RELCH: variants seen among roughly 807,000 people sequenced by gnomAD.
The protein encoded by RELCH is RAB11-binding protein RELCH.
RELCH carries 41 observed loss-of-function variants against 150.3 expected under a neutral mutation model. The ratio of observed to expected loss-of-function variants is 0.27; its 90% CI spans 0.21 to 0.35. RELCH has a LOEUF of 0.35. RELCH is among the 10% of genes least tolerant of loss of function. The pLI is 1.00. For synonymous variants in RELCH, 478 were observed against 531.8 expected, an observed-to-expected ratio of 0.90 and a Z score of 1.39; for missense variants, 1,092 against 1,467.8, an observed-to-expected ratio of 0.74 and a Z score of 4.18.
Position 62,275,354 on chromosome 18 carries a change from T to C in RELCH, c.2868-20T>C, listed in dbSNP as rs199786253. 6.6e-6 allele frequency: 4 copies of C among 605,780 alleles called. No homozygotes were observed. Among genetic ancestry groups the C allele is most frequent in the Admixed American group, 4.4e-5 (1 of 22,968 alleles). The allele number at this position is 605,780 out of a possible 1,614,324, so 37.5% of individuals were successfully genotyped here. A position where few individuals can be genotyped will look rare whatever the true frequency, so the allele number is the denominator to read the frequency against. On this transcript the variant is annotated intron_variant, in intron 21 of 28. Coordinates refer to ENST00000644646, the MANE Select transcript of RELCH (RefSeq NM_001346231.2). ...ACTGTGGCTCTCAATTTTAACACTGTTTTTTTTTTTTTCTTCTAGTGCAAA... is the reference window on the plus strand; with the variant it reads ...ACTGTGGCTCTCAATTTTAACACTGCTTTTTTTTTTTTCTTCTAGTGCAAA...
At position 62,241,841 on chromosome 18, in the gene RELCH, G is replaced by A. The variant is rs546476437; in HGVS notation, c.1621-2923G>A. Among the ~76,000 whole-genome samples, 70 of 152,262 alleles carry A rather than the reference G, an allele frequency of 4.6e-4. 1 individual carries two copies. The South Asian group carries it at 0.011, about 24-fold the overall frequency. The stretch of plus-strand genomic sequence containing the variant: ...TTATTAGTGTTTCAGAGGCTTGAAA[G>A]ATGAATTCACAATAAATGTGAATAA... On this transcript the variant is annotated intron_variant, in intron 10 of 28. Coordinates refer to ENST00000644646, the MANE Select transcript of RELCH (RefSeq NM_001346231.2).
intron 1 of RELCH, among the ~76,000 whole-genome samples, chr18:62,195,089 T>C (rs2038929497): frequency 6.6e-6 from 1 of 152,218 alleles, no homozygotes; most frequent in Non-Finnish European, 1.5e-5. Flanking sequence ...ACAGGATATA[T>C]AGCTTTATAA....
rs183924584 is a variant in RELCH, at chr18:62,200,887, G to C, written c.527-10266G>C. Among the ~76,000 whole-genome samples the C allele has an allele frequency of 7.3e-5, 11 of 149,684 alleles. No individual in the cohort carries two copies. In the East Asian group the frequency reaches 1.6e-3, roughly 21 times the overall value. ...TTATTTTTTTAACTTTCATATTTTA[G>C]AGTAGCCTTATAGGTTCTCTTTCTT... On this transcript the variant is annotated intron_variant, in intron 1 of 28. Coordinates refer to ENST00000644646, the MANE Select transcript of RELCH (RefSeq NM_001346231.2).
intron 5 of RELCH, among the ~76,000 whole-genome samples, chr18:62,224,166 T>C (rs2041063585): frequency 6.6e-6 from 1 of 152,106 alleles, no homozygotes; most frequent in African/African-American, 2.4e-5. Context: ...CCTCACCATG[T>C]GTCCAAGTGA....
At chr18:62,213,012 C>G (rs1239524390) in intron 2 of RELCH, among the ~76,000 whole-genome samples, 1 of 152,096 alleles carries the variant, frequency 6.6e-6, no homozygotes, top group African/African-American at 2.4e-5. Context: ...CTCTCCATGT[C>G]AAATCATGGT....
chr18:62,188,891 A>C (rs2038380666), intron 1 of RELCH, among the ~76,000 whole-genome samples: 3 of 152,128 alleles, frequency 2.0e-5, no homozygotes, highest in African/African-American at 7.2e-5. Context: ...ATATTCCCTT[A>C]CTAATGTATG....
At position 62,206,753 on chromosome 18, in the gene RELCH, C is replaced by T. The variant is rs959088800; in HGVS notation, c.527-4400C>T. Among the ~76,000 whole-genome samples, 11 of 152,252 alleles carry T rather than the reference C, an allele frequency of 7.2e-5. No individual in the cohort carries two copies. The South Asian group carries it at 2.3e-3, about 32-fold the overall frequency. ...AATGTCCTTCCTGCTACTTTACAAC[C>T]TACCTAGCCTCAGCTGTCATGACTT... On this transcript the variant is annotated intron_variant, in intron 1 of 28. Coordinates refer to ENST00000644646, the MANE Select transcript of RELCH (RefSeq NM_001346231.2).
chr18:62,294,784 G>A (rs1264369148), intron 27 of RELCH, among the ~76,000 whole-genome samples: 1 of 151,874 alleles, frequency 6.6e-6, no homozygotes, highest in Non-Finnish European at 1.5e-5. Flanking sequence ...ACTAGAATTG[G>A]TTTTTATGTA....
At chr18:62,189,269 T>TTG (rs1241640624) in intron 1 of RELCH, among the ~76,000 whole-genome samples, 17 of 140,900 alleles carry the variant, frequency 1.2e-4, no homozygotes, top group Non-Finnish European at 1.7e-4. Flanking sequence ...GTTTTTTTTT[T>TTG]TTGTTGTTTT....
chr18:62,232,231 GT>G (rs1191818245), intron 9 of RELCH, 100 bp from the exon 10 acceptor site: 2 of 670,956 alleles, frequency 3.0e-6, no homozygotes, highest in African/African-American at 1.8e-5. Flanking sequence ...TGGAATGTGT[GT>G]TTAGGGCAGA....
chr18:62,254,789 A>G (rs1025764940), intron 12 of RELCH: 1 of 152,262 alleles, frequency 6.6e-6, no homozygotes, highest in Non-Finnish European at 1.5e-5. Context: ...TATTCTATGA[A>G]GAAGACATAT....
In RELCH at chr18:62,220,914, C is replaced by T. The variant is rs2040824232; in HGVS notation, c.617-123C>T. On this transcript the variant is annotated intron_variant, in intron 2 of 28. Coordinates refer to ENST00000644646, the MANE Select transcript of RELCH (RefSeq NM_001346231.2). ...TCACAAGTTTCATAAAGATTGCATGCTTTCTGTTTTCAATACAAATTGTAT... is the reference window on the plus strand; with the variant it reads ...TCACAAGTTTCATAAAGATTGCATGTTTTCTGTTTTCAATACAAATTGTAT... 1.4e-5 allele frequency: 11 copies of T among 806,634 alleles called. No homozygotes were observed. In the South Asian group the frequency reaches 1.5e-4, roughly 11 times the overall value. 50.0% of individuals were successfully genotyped at this position (806,634 alleles called of 1,614,324 possible).
At chr18:62,214,103 T>C (rs1352628034) in intron 2 of RELCH, among the ~76,000 whole-genome samples, 1 of 152,074 alleles carries the variant, frequency 6.6e-6, no homozygotes, top group Admixed American at 6.6e-5. Context: ...TCTCTTAAGT[T>C]TGGAGAAATA....
chr18:62,229,859 A>C (rs1465844149), intron 8 of RELCH, among the ~76,000 whole-genome samples: 1 of 152,086 alleles, frequency 6.6e-6, no homozygotes, highest in Admixed American at 6.6e-5. Flanking sequence ...AATGCTAGTG[A>C]AAGGAAGGAT....
intron 13 of RELCH, 61 bp downstream of exon 13, chr18:62,255,539 TGA>T: frequency 8.5e-7 from 1 of 1,170,668 alleles, no homozygotes; most frequent in Non-Finnish European, 1.2e-6. Context: ...AACCTTTTTT[TGA>T]GTGTCTTATA....
At chr18:62,283,142 G>C (rs549529303) in intron 25 of RELCH, among the ~76,000 whole-genome samples, 1 of 152,080 alleles carries the variant, frequency 6.6e-6, no homozygotes, top group Non-Finnish European at 1.5e-5. Flanking sequence ...GGAAATTTTT[G>C]TGTGTTTCTA....
At chr18:62,191,114 T>G (rs1016660594) in intron 1 of RELCH, among the ~76,000 whole-genome samples, 1 of 152,252 alleles carries the variant, frequency 6.6e-6, no homozygotes, top group East Asian at 1.9e-4. Context: ...AAGACATTTG[T>G]GTTTTTTCCA....
intron 20 of RELCH, among the ~76,000 whole-genome samples, chr18:62,270,583 T>C (rs936262091): frequency 3.9e-5 from 6 of 152,264 alleles, no homozygotes; most frequent in Non-Finnish European, 7.4e-5. Context: ...TACTAACTTA[T>C]TTATTTTGCT....
chr18:62,275,455 T>G lies in RELCH; in HGVS notation c.2949T>G (p.Thr983=). ...VVHTSALVRC[T]AARMFELLVK... is the part of the protein sequence containing the mutation. ...ATACTTCAGCACTCGTGAGGTGTAC[T>G]GCTGCTAGAATGTTTGAGGTATGTC... The change falls in exon 22 of 29, where the codon ACT becomes ACG. Residue 983 remains threonine (T), a synonymous_variant. Coordinates refer to ENST00000644646, the MANE Select transcript of RELCH (RefSeq NM_001346231.2). 22 of 1,607,894 alleles carry G rather than the reference T, an allele frequency of 1.4e-5. No homozygotes were observed. The highest frequency in any genetic ancestry group is 1.9e-5 in the Non-Finnish European group (22 of 1,175,226).
Sources: gnomAD v4.1 joint callset for allele counts (sites outside exome capture counted in the v4.1 genomes callset) on GRCh38, gnomAD v4.1.1 for gene constraint, MANE v1.5 for transcripts, NCBI Gene and HGNC (gene_info 2026-07-23, HGNC 2026-07-21) for gene names.